TEX11: variants seen among roughly 807,000 people sequenced by gnomAD.
TEX11 encodes testis-expressed protein 11.
Under a neutral mutation model 84.4 loss-of-function variants are expected in TEX11, and 7 were observed. That is an observed-to-expected ratio of 0.08 (90% CI 0.05 to 0.16). The LOEUF is 0.16. Ranked by LOEUF, TEX11 falls within the 10% of genes least tolerant of loss-of-function variation. The pLI, the probability that TEX11 is intolerant of heterozygous loss-of-function variation, is 1.00. For missense variants in TEX11, 551 were observed against 660.5 expected, an observed-to-expected ratio of 0.83 and a Z score of 1.82; for synonymous variants, 264 against 222.8, an observed-to-expected ratio of 1.18 and a Z score of -1.64.
intron 25 of TEX11, among the ~76,000 whole-genome samples, chrX:70,572,141 A>C (rs1381410802): frequency 9.1e-6 from 1 of 109,948 alleles, no homozygotes; most frequent in Admixed American, 9.7e-5. Flanking sequence ...AAAGAACTCA[A>C]ACAAATTTAC....
At chrX:70,525,686 G>A (rs988962486), downstream of TEX11, among the ~76,000 whole-genome samples, 2 of 111,600 alleles carry the variant, frequency 1.8e-5, no homozygotes, top group Non-Finnish European at 1.9e-5. Context: ...AAAGACTATT[G>A]AGGGAAATGG....
chrX:70,899,078 T>A (rs1322638706), intron 2 of TEX11, among the ~76,000 whole-genome samples: 1 of 112,262 alleles, frequency 8.9e-6, no homozygotes, highest in Non-Finnish European at 1.9e-5. Context: ...AATCTGAGGA[T>A]CCCATTGTTG....
At position 70,825,837 on chromosome X, in the gene TEX11, C is replaced by A. The variant is rs373287446; in HGVS notation, c.606+7676G>T. On this transcript the variant is annotated intron_variant, in intron 8 of 29. Coordinates refer to ENST00000374333, the MANE Select transcript of TEX11 (RefSeq NM_031276.3). ...CTAAAAATACAAAAAATTAGCTGGA[C>A]GTAGTGGCAGGAGCCTGTAATCCCA... Among the ~76,000 whole-genome samples, 21 of 109,646 alleles carry A rather than the reference C, an allele frequency of 1.9e-4. No homozygotes were observed. The East Asian group carries it at 3.5e-3, about 18-fold the overall frequency.
intron 7 of TEX11, among the ~76,000 whole-genome samples, chrX:70,840,432 G>C (rs2091435526): frequency 9.0e-6 from 1 of 111,534 alleles, no homozygotes; most frequent in Non-Finnish European, 1.9e-5. Flanking sequence ...CAAATGCTGA[G>C]AGATTTTGTC....
At chrX:70,689,345 G>A (rs1173073192) in intron 13 of TEX11, among the ~76,000 whole-genome samples, 2 of 110,863 alleles carry the variant, frequency 1.8e-5, no homozygotes, top group Admixed American at 9.6e-5. Context: ...AACTAATAAG[G>A]CCTAGAAGAA....
intron 11 of TEX11, among the ~76,000 whole-genome samples, chrX:70,739,394 C>T (rs2090718875): frequency 9.9e-6 from 1 of 101,416 alleles, no homozygotes; most frequent in Admixed American, 1.1e-4. Context: ...AATTGAATCT[C>T]TCTTATTTTA....
At chrX:70,689,232 G>T (rs1210523733) in intron 13 of TEX11, among the ~76,000 whole-genome samples, 2 of 110,880 alleles carry the variant, frequency 1.8e-5, no homozygotes, top group Admixed American at 1.9e-4. Flanking sequence ...AATAACTTAC[G>T]TTTAACTTAA....
chrX:70,798,147 A>G (rs1013130083), intron 9 of TEX11, among the ~76,000 whole-genome samples: 2 of 109,650 alleles, frequency 1.8e-5, no homozygotes, highest in African/African-American at 6.6e-5. Context: ...TAAATTCAAT[A>G]AAGTTGCAAA....
chrX:70,513,035 A>C, the TEX11 span, among the ~76,000 whole-genome samples: 1 of 108,610 alleles, frequency 9.2e-6, no homozygotes, highest in African/African-American at 3.4e-5. Flanking sequence ...CCTCTTACAC[A>C]AGAAAATTGG....
chrX:70,712,581 G>C (rs1288942890), intron 13 of TEX11, among the ~76,000 whole-genome samples: 1 of 110,813 alleles, frequency 9.0e-6, no homozygotes, highest in Non-Finnish European at 1.9e-5. Flanking sequence ...TCATGATTTG[G>C]CTCTCTGTTT....
the TEX11 span, among the ~76,000 whole-genome samples, chrX:70,516,934 G>A: frequency 3.6e-5 from 4 of 111,504 alleles, no homozygotes; most frequent in African/African-American, 1.3e-4. Flanking sequence ...TCTGTTATTG[G>A]TGTATAGGAA....
chrX:70,824,833 A>G (rs1310984198), intron 8 of TEX11, among the ~76,000 whole-genome samples: 1 of 112,130 alleles, frequency 8.9e-6, no homozygotes, highest in Non-Finnish European at 1.9e-5. Context: ...AGGACTGATC[A>G]ATGAGTGTTG....
At chrX:70,779,499 G>A (rs1038069187) in intron 9 of TEX11, among the ~76,000 whole-genome samples, 1 of 107,548 alleles carries the variant, frequency 9.3e-6, no homozygotes, top group Non-Finnish European at 1.9e-5. Context: ...GTTGCTCCTC[G>A]AGGAACTAGA....
chrX:70,707,809 C>A (rs2090389682), intron 13 of TEX11, among the ~76,000 whole-genome samples: 1 of 110,576 alleles, frequency 9.0e-6, no homozygotes, highest in Non-Finnish European at 1.9e-5. Context: ...TGAACTCTTT[C>A]TCCAGGAGCA....
At chrX:70,581,666 G>C (rs1284043992) in intron 25 of TEX11, among the ~76,000 whole-genome samples, 1 of 111,326 alleles carries the variant, frequency 9.0e-6, no homozygotes, top group African/African-American at 3.3e-5. Flanking sequence ...GTTAATGGTT[G>C]TGTTCATTTT....
At chrX:70,553,236 G>A (rs1001548292) in intron 27 of TEX11, 70 bp downstream of exon 27, 9 of 677,064 alleles carry the variant, frequency 1.3e-5, no homozygotes, top group South Asian at 3.3e-5. Context: ...AATTAAGAAC[G>A]ATTGGTTACT....
chrX:70,776,017 C>T (rs1240734560), intron 9 of TEX11, among the ~76,000 whole-genome samples: 2 of 97,707 alleles, frequency 2.0e-5, no homozygotes, highest in South Asian at 1.0e-3. Flanking sequence ...TAAATTAGTA[C>T]AAGCACTATG....
intron 8 of TEX11, among the ~76,000 whole-genome samples, chrX:70,824,917 T>C (rs1030960028): frequency 8.1e-5 from 9 of 111,139 alleles, no homozygotes; most frequent in Non-Finnish European, 1.5e-4. Context: ...AAAAATGAGT[T>C]TAAAATTTGC....
chrX:70,560,893 GTTTTTTTTTTTTTTTTTTT>G (rs745618647), intron 25 of TEX11, among the ~76,000 whole-genome samples: 7 of 33,595 alleles, frequency 2.1e-4, no homozygotes, highest in South Asian at 7.1e-3. Context: ...CACCACACCG[GTTTTTTTTTTTTTTTTTTT>G]TTTTTTTTTT....
Sources: gnomAD v4.1 joint callset for allele counts (sites outside exome capture counted in the v4.1 genomes callset) on GRCh38, gnomAD v4.1.1 for gene constraint, MANE v1.5 for transcripts, NCBI Gene and HGNC (gene_info 2026-07-23, HGNC 2026-07-21) for gene names.